NDUFB5: variants seen among roughly 807,000 people sequenced by gnomAD.
The protein encoded by NDUFB5 is NADH:ubiquinone oxidoreductase subunit B5, also known as NADH dehydrogenase [ubiquinone] 1 beta subcomplex subunit 5, mitochondrial.
NDUFB5 carries 19 observed loss-of-function variants against 19.4 expected under a neutral mutation model. The observed-to-expected ratio is 0.98, with a 90% CI of 0.68 to 1.43. The LOEUF is 1.43. Ranked by LOEUF, NDUFB5 falls within the 40% of genes most tolerant of loss-of-function variation. The pLI, the probability that NDUFB5 is intolerant of heterozygous loss-of-function variation, is 0.00. For missense variants in NDUFB5, 233 were observed against 236.5 expected, an observed-to-expected ratio of 0.99 and a Z score of 0.10; for synonymous variants, 80 against 82.6, an observed-to-expected ratio of 0.97 and a Z score of 0.17.
chr3:179,612,742 C>T (rs1719279448), intron 1 of NDUFB5, among the ~76,000 whole-genome samples: 1 of 151,994 alleles, frequency 6.6e-6, no homozygotes, highest in African/African-American at 2.4e-5. Flanking sequence ...TCCCAAAGTG[C>T]TGGGATTACA....
At chr3:179,619,182 G>C (rs1463229883) in intron 5 of NDUFB5, among the ~76,000 whole-genome samples, 1 of 142,120 alleles carries the variant, frequency 7.0e-6, no homozygotes, top group African/African-American at 2.6e-5. Context: ...CCTCTCTTAT[G>C]GTGCTGAGTG....
At chr3:179,605,793 C>CT (rs1198004326) in intron 1 of NDUFB5, among the ~76,000 whole-genome samples, 1,530 of 135,022 alleles carry the variant, frequency 0.011, 23 homozygotes, top group Middle Eastern at 0.041. Context: ...ATAATACAGT[C>CT]TTTTTTTTTT....
Position 179,626,265 on chromosome 3 carries a change from ATT to A in NDUFB5, c.*2238_*2239del, listed in dbSNP as rs535096281. On this transcript the variant is annotated 3_prime_UTR_variant, in exon 6 of 6. Coordinates refer to ENST00000259037, the MANE Select transcript of NDUFB5 (RefSeq NM_002492.4). ...TACAGATCTCTGGCCCTTTTTTTAA[ATT>A]TTTTTTTTTTTTGAATTGGGGTCAC... The A allele has an allele frequency of 2.1e-5, 3 of 143,830 alleles. No homozygotes were observed. The highest frequency in any genetic ancestry group is 1.5e-5 in the Non-Finnish European group (1 of 65,198). The allele number at this position is 143,830 out of a possible 1,614,324, so 8.9% of individuals were successfully genotyped here.
At chr3:179,623,620 G>A (rs1196985808) in intron 5 of NDUFB5, among the ~76,000 whole-genome samples, 1 of 152,170 alleles carries the variant, frequency 6.6e-6, no homozygotes, top group Non-Finnish European at 1.5e-5. Context: ...GTTGCAGTGA[G>A]CTGAGACTGC....
At position 179,609,454 on chromosome 3, in the gene NDUFB5, A is replaced by G. The variant is rs368229957; in HGVS notation, c.124+4515A>G. 3.3e-5 allele frequency among the ~76,000 whole-genome samples: 5 copies of G among 152,318 alleles called. No homozygotes were observed. The East Asian group carries it at 7.7e-4, about 24-fold the overall frequency. ...TTTATAGGGTCATACTGAAGGGGCT[A>G]TGAGCAGAGAAGATGTGCAGATAAG... On this transcript the variant is annotated intron_variant, in intron 1 of 5. Transcript: ENST00000259037.
intron 5 of NDUFB5, among the ~76,000 whole-genome samples, chr3:179,621,516 A>G (rs1224543864): frequency 7.7e-6 from 1 of 130,222 alleles, no homozygotes; most frequent in Admixed American, 8.1e-5. Context: ...TTTTTTTGAG[A>G]CAGTTTTGCT....
At chr3:179,615,706 G>A in intron 2 of NDUFB5, 1 of 541,084 alleles carries the variant, frequency 1.8e-6, no homozygotes, top group South Asian at 1.6e-5. Flanking sequence ...TCATCTCCTT[G>A]GTTGAGCCCT....
intron 1 of NDUFB5, among the ~76,000 whole-genome samples, chr3:179,610,095 ATTTG>A (rs1560023806): frequency 6.6e-6 from 1 of 151,700 alleles, no homozygotes; most frequent in East Asian, 1.9e-4. Flanking sequence ...TATTTTATTT[ATTTG>A]TTTATTTATT....
chr3:179,616,911 A>T (rs1719393507), intron 3 of NDUFB5, 72 bp from the exon 4 acceptor site: 2 of 1,189,704 alleles, frequency 1.7e-6, no homozygotes, highest in African/African-American at 1.5e-5. Context: ...TTGGTTTCTT[A>T]CTTTAATGGT....
intron 5 of NDUFB5, among the ~76,000 whole-genome samples, chr3:179,622,010 T>G (rs188418747): frequency 6.6e-6 from 1 of 152,292 alleles, no homozygotes; most frequent in African/African-American, 2.4e-5. Context: ...TTCTGTTGCC[T>G]CAGCTGGAGT....
rs576978482 is a variant in NDUFB5, at chr3:179,613,399, C to T, written c.125-1572C>T. On this transcript the variant is annotated intron_variant, in intron 1 of 5. Coordinates refer to ENST00000259037, the MANE Select transcript of NDUFB5 (RefSeq NM_002492.4). ...TGGGCCACTGTATCCTATTTCTTTC[C>T]CTTGTTACCCTTACAGATTTGTAAT... 1.7e-4 allele frequency among the ~76,000 whole-genome samples: 26 copies of T among 152,134 alleles called. No individual in the cohort carries two copies. The South Asian group carries it at 4.2e-3, about 24-fold the overall frequency.
chr3:179,606,381 C>T (rs1325297385), intron 1 of NDUFB5, among the ~76,000 whole-genome samples: 1 of 152,066 alleles, frequency 6.6e-6, no homozygotes, highest in East Asian at 1.9e-4. Context: ...CTCTGTTGCC[C>T]AGGCTGGAGT....
chr3:179,609,011 C>T (rs1331119767), intron 1 of NDUFB5, among the ~76,000 whole-genome samples: 1 of 152,210 alleles, frequency 6.6e-6, no homozygotes, highest in Non-Finnish European at 1.5e-5. Context: ...CACTTAACAT[C>T]ATTGGCTCTT....
At chr3:179,613,671 T>G (rs895016998) in intron 1 of NDUFB5, among the ~76,000 whole-genome samples, 1 of 152,228 alleles carries the variant, frequency 6.6e-6, no homozygotes, top group Non-Finnish European at 1.5e-5. Flanking sequence ...AAAGCCTTAG[T>G]AGTATGAATT....
intron 4 of NDUFB5, 59 bp from the exon 5 acceptor site, chr3:179,618,356 C>G: frequency 2.7e-6 from 3 of 1,120,954 alleles, no homozygotes; most frequent in Non-Finnish European, 3.9e-6. Flanking sequence ...GAATAGTCAA[C>G]TAGAAAAGCA....
intron 1 of NDUFB5, among the ~76,000 whole-genome samples, chr3:179,608,551 A>C (rs1284931766): frequency 6.6e-6 from 1 of 152,178 alleles, no homozygotes. Flanking sequence ...AATTATCGCC[A>C]GACCAACTTA....
At chr3:179,622,173 G>A (rs1719556055) in intron 5 of NDUFB5, among the ~76,000 whole-genome samples, 2 of 151,992 alleles carry the variant, frequency 1.3e-5, no homozygotes, top group African/African-American at 2.4e-5. Flanking sequence ...GTTTGTTTTG[G>A]TAGAGATGGG....
chr3:179,622,958 A>G (rs1281922842), intron 5 of NDUFB5, among the ~76,000 whole-genome samples: 3 of 152,236 alleles, frequency 2.0e-5, no homozygotes, highest in African/African-American at 7.2e-5. Flanking sequence ...AGATTATTCA[A>G]TTTGTGAAGA....
At chr3:179,606,088 G>A (rs1465500387) in intron 1 of NDUFB5, among the ~76,000 whole-genome samples, 2 of 152,158 alleles carry the variant, frequency 1.3e-5, no homozygotes, top group Non-Finnish European at 2.9e-5. Flanking sequence ...CACTGCACCT[G>A]ACCAATACAG....
Sources: gnomAD v4.1 joint callset for allele counts (sites outside exome capture counted in the v4.1 genomes callset) on GRCh38, gnomAD v4.1.1 for gene constraint, MANE v1.5 for transcripts, NCBI Gene and HGNC (gene_info 2026-07-23, HGNC 2026-07-21) for gene names.